TTLL1: variants seen among roughly 807,000 people sequenced by gnomAD.
The protein encoded by TTLL1 is TTL family tubulin polyglutamylase complex subunit L1.
A neutral mutation model predicts 47.8 loss-of-function variants in TTLL1; 33 were observed. The observed-to-expected ratio is 0.69, with a 90% CI of 0.52 to 0.92. The LOEUF is 0.92. Among genes scored for constraint, TTLL1 ranks in the 40% least tolerant of loss-of-function variants. The pLI, the probability that TTLL1 is intolerant of heterozygous loss-of-function variation, is 0.00. For missense variants in TTLL1, 488 were observed against 547.5 expected, an observed-to-expected ratio of 0.89 and a Z score of 1.08; for synonymous variants, 225 against 214.1, an observed-to-expected ratio of 1.05 and a Z score of -0.45.
intron 5 of TTLL1, among the ~76,000 whole-genome samples, chr22:43,065,610 T>G (rs1208571270): frequency 1.3e-5 from 2 of 151,706 alleles, no homozygotes; most frequent in African/African-American, 4.8e-5. Flanking sequence ...TTTGAGATGG[T>G]CTTGCTGTGT....
At chr22:43,055,011 A>C (rs1316752326) in intron 8 of TTLL1, among the ~76,000 whole-genome samples, 1 of 148,772 alleles carries the variant, frequency 6.7e-6, no homozygotes, top group East Asian at 2.0e-4. Flanking sequence ...GGTGTGAGCC[A>C]CCGCACCCAG....
intron 2 of TTLL1, among the ~76,000 whole-genome samples, chr22:43,076,483 G>A (rs1928499537): frequency 6.6e-6 from 1 of 151,358 alleles, no homozygotes; most frequent in Admixed American, 6.6e-5. Flanking sequence ...CGGGCGCGGT[G>A]GCTCACGCCT....
chr22:43,050,365 G>A (rs1361234946), intron 9 of TTLL1, among the ~76,000 whole-genome samples: 9 of 151,494 alleles, frequency 5.9e-5, no homozygotes, highest in African/African-American at 1.2e-4. Context: ...GCAGTGAGCC[G>A]AGATCGTGCC....
At chr22:43,081,088 G>C (rs1310991160) in intron 1 of TTLL1, among the ~76,000 whole-genome samples, 1 of 151,604 alleles carries the variant, frequency 6.6e-6, no homozygotes, top group Non-Finnish European at 1.5e-5. Context: ...GTTAATTTTT[G>C]TATTTTTAGT....
intron 1 of TTLL1, among the ~76,000 whole-genome samples, chr22:43,083,929 G>A (rs1929061168): frequency 6.6e-6 from 1 of 152,112 alleles, no homozygotes; most frequent in East Asian, 1.9e-4. Flanking sequence ...GATCAGCTGA[G>A]CCAACTGAGA....
At chr22:43,079,360 C>A (rs1408299416) in intron 2 of TTLL1, among the ~76,000 whole-genome samples, 1 of 151,206 alleles carries the variant, frequency 6.6e-6, no homozygotes, top group Non-Finnish European at 1.5e-5. Context: ...ATCCCACACC[C>A]CTCACACCCG....
intron 1 of TTLL1, among the ~76,000 whole-genome samples, chr22:43,080,496 T>C (rs1928805821): frequency 6.6e-6 from 1 of 151,554 alleles, no homozygotes; most frequent in South Asian, 2.1e-4. Flanking sequence ...ACTGTATTAC[T>C]TACTGGCTCC....
chr22:43,068,766 C>G (rs189854163), intron 4 of TTLL1, among the ~76,000 whole-genome samples, 176 bp from the exon 5 acceptor site: 5 of 152,290 alleles, frequency 3.3e-5, no homozygotes, highest in African/African-American at 1.2e-4. Context: ...TCACAAGTTA[C>G]ATTTATAGAG....
rs146662174 is a variant in TTLL1, at chr22:43,068,409, C to G, written c.503+1G>C. 1 of 1,502,180 alleles carries G rather than the reference C, an allele frequency of 6.7e-7. No homozygotes were observed. The highest frequency in any genetic ancestry group is 9.0e-7 in the Non-Finnish European group (1 of 1,106,706). The allele number at this position is 1,502,180 out of a possible 1,614,324, so 93.1% of individuals were successfully genotyped here. ...CAAAGTGGGTGGCTGCCCACACTTA[C>G]GAAGATGTCTTGCTGTCCCGGGACC... On this transcript the variant is annotated splice_donor_variant, in intron 5 of 10. Transcript: ENST00000266254. LOFTEE classifies it high-confidence loss of function.
intron 7 of TTLL1, among the ~76,000 whole-genome samples, chr22:43,060,594 G>C (rs1357979901): frequency 6.6e-6 from 1 of 152,178 alleles, no homozygotes; most frequent in Non-Finnish European, 1.5e-5. Flanking sequence ...GGGGACGCCG[G>C]GCTCAGAGAA....
chr22:43,064,199 C>T lies in TTLL1; in HGVS notation c.629G>A (p.Arg210His), dbSNP rs1248062666. The T allele has an allele frequency of 6.2e-6, 10 of 1,610,894 alleles. No homozygotes were observed. The highest frequency in any genetic ancestry group is 1.6e-4 in the Middle Eastern group (1 of 6,074). ...CCTTAGGGACGCTTACATGTAACAG[C>T]GCAGTGGACGGTACGTGGACACCAG... The part of the protein sequence containing the change: ...YVLVSTYRPL[R>H]CYMYKLGFCR... Residue 210 changes from arginine (R) to histidine (H), a missense_variant, in exon 6 of 11, where the codon CGC becomes CAC. By Grantham distance (29) the Arg-to-His change is conservative (BLOSUM62 0). Transcript: ENST00000266254.
chr22:43,069,402 A>C (rs1242159802), intron 4 of TTLL1, among the ~76,000 whole-genome samples: 2 of 150,968 alleles, frequency 1.3e-5, no homozygotes, highest in Admixed American at 6.6e-5. Context: ...AAAAAAAAAA[A>C]AAAAAAAACG....
intron 10 of TTLL1, among the ~76,000 whole-genome samples, chr22:43,042,221 A>G (rs1925741565): frequency 6.6e-6 from 1 of 152,170 alleles, no homozygotes. Context: ...AATGGAGAAA[A>G]GGACCACATA....
chr22:43,067,322 C>T (rs192360609), intron 5 of TTLL1, among the ~76,000 whole-genome samples: 2 of 152,298 alleles, frequency 1.3e-5, no homozygotes, highest in Admixed American at 1.3e-4. Context: ...TGCTGGTGTC[C>T]CCGGTTTACT....
chr22:43,044,871 T>A (rs1211451738), intron 10 of TTLL1, among the ~76,000 whole-genome samples: 2 of 151,882 alleles, frequency 1.3e-5, no homozygotes, highest in African/African-American at 4.8e-5. Flanking sequence ...AATCCTTTTT[T>A]TTTTTTTTGG....
At chr22:43,061,666 C>T in intron 7 of TTLL1, among the ~76,000 whole-genome samples, 1 of 152,176 alleles carries the variant, frequency 6.6e-6, no homozygotes, top group East Asian at 1.9e-4. Context: ...GAACTGGGTC[C>T]ACAAAGCCCT....
At chr22:43,079,094 C>G (rs1417079733) in intron 2 of TTLL1, among the ~76,000 whole-genome samples, 2 of 118,254 alleles carry the variant, frequency 1.7e-5, no homozygotes, top group African/African-American at 6.6e-5. Context: ...AGCGTGAGTC[C>G]ATCCCACACC....
intron 9 of TTLL1, among the ~76,000 whole-genome samples, chr22:43,050,488 A>G (rs1311286419): frequency 6.7e-6 from 1 of 149,284 alleles, no homozygotes; most frequent in Non-Finnish European, 1.5e-5. Flanking sequence ...AGAGACTTCC[A>G]TTCAAGTCAC....
chr22:43,039,666 AT>A lies in TTLL1; in HGVS notation c.*109del. 12 of 1,371,136 alleles carry A rather than the reference AT, an allele frequency of 8.8e-6. No homozygotes were observed. The highest frequency in any genetic ancestry group is 1.2e-5 in the Non-Finnish European group (12 of 1,041,602). The allele number at this position is 1,371,136 out of a possible 1,614,324, so 84.9% of individuals were successfully genotyped here. ...ACCTTCCAAAGAAGTGCCTTCGTTTATTTACAGGGCTTAGGAAAGGAAAAAA... is the reference window on the plus strand; with the variant it reads ...ACCTTCCAAAGAAGTGCCTTCGTTTATTACAGGGCTTAGGAAAGGAAAAAA... On this transcript the variant is annotated 3_prime_UTR_variant, in exon 11 of 11. Coordinates refer to ENST00000266254, the MANE Select transcript of TTLL1 (RefSeq NM_012263.5).
Sources: allele counts gnomAD v4.1 joint callset (sites outside exome capture counted in the v4.1 genomes callset), GRCh38; gene constraint gnomAD v4.1.1; transcripts MANE v1.5; gene names NCBI Gene and HGNC (gene_info 2026-07-23, HGNC 2026-07-21).